CDH18: variants seen among roughly 807,000 people sequenced by gnomAD.
CDH18 encodes the protein cadherin 18.
A neutral mutation model predicts 67.9 loss-of-function variants in CDH18; 31 were observed. The observed-to-expected ratio is 0.46, with a 90% CI of 0.34 to 0.62. The LOEUF is 0.62. Ranked by LOEUF, CDH18 falls within the 20% of genes least tolerant of loss-of-function variation. CDH18 has a pLI of 0.01. For missense variants in CDH18, 890 were observed against 975.5 expected (o/e 0.91, Z 1.17); for synonymous variants, 362 against 347.2 (o/e 1.04, Z -0.48).
rs971183949 is a variant in CDH18 at position 19,644,409 on chromosome 5, T to C, written c.644-31808A>G. Reference sequence around the variant, plus strand: ...AAAAAATGAGTAAGGGATTAATATATGAAAGCAATGTGTTCAAAACCTGTT... The same window carrying C: ...AAAAAATGAGTAAGGGATTAATATACGAAAGCAATGTGTTCAAAACCTGTT... On this transcript the variant is annotated intron_variant, in intron 5 of 12. Coordinates refer to ENST00000382275, the MANE Select transcript of CDH18 (RefSeq NM_004934.5). 2.6e-4 allele frequency among the ~76,000 whole-genome samples: 40 copies of C among 152,148 alleles called. 1 individual carries two copies. The highest frequency in any genetic ancestry group is 9.2e-4 in the African/African-American group (38 of 41,464).
intron 3 of CDH18, among the ~76,000 whole-genome samples, chr5:19,827,495 A>T (rs1780530641): frequency 1.3e-5 from 2 of 152,122 alleles, no homozygotes. Context: ...AAAAAATAAA[A>T]CAACCCTAAG....
intron 1 of CDH18, among the ~76,000 whole-genome samples, chr5:20,387,961 C>T (rs1333816177): frequency 2.5e-4 from 37 of 149,718 alleles, no homozygotes; most frequent in African/African-American, 8.1e-4. Context: ...CTGCTGGATT[C>T]GGTTTGCCAG....
chr5:19,637,864 C>A (rs534130661), intron 5 of CDH18, among the ~76,000 whole-genome samples: 1 of 152,232 alleles, frequency 6.6e-6, no homozygotes, highest in African/African-American at 2.4e-5. Context: ...CACCCAAAAC[C>A]CAATGCAATG....
intron 10 of CDH18, among the ~76,000 whole-genome samples, chr5:19,508,141 T>C (rs893360798): frequency 1.3e-5 from 2 of 152,162 alleles, no homozygotes; most frequent in African/African-American, 4.8e-5. Flanking sequence ...CTGCTCTGTA[T>C]TGGCATATTC....
At chr5:20,390,268 C>T (rs547325887) in intron 1 of CDH18, among the ~76,000 whole-genome samples, 54 of 150,460 alleles carry the variant, frequency 3.6e-4, no homozygotes, top group Admixed American at 1.7e-3. Flanking sequence ...CCAGAATCCA[C>T]AGTGAACTCA....
intron 5 of CDH18, among the ~76,000 whole-genome samples, chr5:19,690,224 G>A (rs1300337507): frequency 6.6e-6 from 1 of 151,160 alleles, no homozygotes; most frequent in African/African-American, 2.4e-5. Context: ...AGAAAATTAA[G>A]AAGAATAATT....
chr5:20,501,250 T>TGG (rs1754230484), intron 1 of CDH18, among the ~76,000 whole-genome samples: 1 of 151,594 alleles, frequency 6.6e-6, no homozygotes, highest in African/African-American at 2.4e-5. Flanking sequence ...GTGGAATTAC[T>TGG]AAAAGCAAAT....
intron 2 of CDH18, among the ~76,000 whole-genome samples, chr5:19,840,817 G>C (rs1172134658): frequency 6.6e-6 from 1 of 152,070 alleles, no homozygotes; most frequent in South Asian, 2.1e-4. Context: ...TATATGTTTA[G>C]GAAGATTACA....
At chr5:20,099,928 C>T (rs1360256860) in intron 2 of CDH18, among the ~76,000 whole-genome samples, 1 of 151,944 alleles carries the variant, frequency 6.6e-6, no homozygotes, top group Non-Finnish European at 1.5e-5. Flanking sequence ...GGATTATAGC[C>T]GCACACCACC....
At chr5:20,296,869 A>G (rs1045984899) in intron 1 of CDH18, among the ~76,000 whole-genome samples, 1 of 151,954 alleles carries the variant, frequency 6.6e-6, no homozygotes, top group Non-Finnish European at 1.5e-5. Flanking sequence ...AGTGAAATAA[A>G]TGAATAAAGA....
chr5:19,811,069 A>G (rs1778592708), intron 3 of CDH18, among the ~76,000 whole-genome samples: 1 of 146,182 alleles, frequency 6.8e-6, no homozygotes, highest in Non-Finnish European at 1.5e-5. Flanking sequence ...AAGGGAAGGG[A>G]GAAAGAGAAA....
intron 2 of CDH18, among the ~76,000 whole-genome samples, chr5:20,137,865 A>G (rs1346620272): frequency 6.6e-6 from 1 of 152,112 alleles, no homozygotes; most frequent in Non-Finnish European, 1.5e-5. Context: ...ATGGATTCAC[A>G]GCCGAATTCC....
chr5:20,397,676 GTAA>G (rs1745399329), intron 1 of CDH18, among the ~76,000 whole-genome samples: 2 of 152,208 alleles, frequency 1.3e-5, no homozygotes, highest in East Asian at 3.9e-4. Context: ...ATATTTTCTA[GTAA>G]GCATGCTGTG....
At chr5:20,458,964 A>T (rs1048458079) in intron 1 of CDH18, among the ~76,000 whole-genome samples, 5 of 152,332 alleles carry the variant, frequency 3.3e-5, no homozygotes, top group Admixed American at 6.5e-5. Context: ...TCTTTACTTT[A>T]GATTTATTCT....
chr5:19,802,678 G>A (rs1777591323), intron 3 of CDH18, among the ~76,000 whole-genome samples: 1 of 152,068 alleles, frequency 6.6e-6, no homozygotes, highest in South Asian at 2.1e-4. Flanking sequence ...GAAACTTTTG[G>A]TATGAAACCT....
At chr5:19,884,333 G>A (rs531820938) in intron 2 of CDH18, among the ~76,000 whole-genome samples, 5 of 152,162 alleles carry the variant, frequency 3.3e-5, no homozygotes, top group South Asian at 4.1e-4. Flanking sequence ...TAATGGAACA[G>A]AATGAGAACA....
intron 1 of CDH18, among the ~76,000 whole-genome samples, chr5:20,358,321 A>C (rs1741799730): frequency 6.6e-6 from 1 of 152,192 alleles, no homozygotes; most frequent in South Asian, 2.1e-4. Flanking sequence ...TTGAACAAGA[A>C]AACAAAAATA....
At chr5:19,545,474 A>G (rs1580126691) in intron 8 of CDH18, among the ~76,000 whole-genome samples, 1 of 152,236 alleles carries the variant, frequency 6.6e-6, no homozygotes, top group Non-Finnish European at 1.5e-5. Context: ...GCTACTTTTT[A>G]TCATATACTG....
At chr5:19,859,892 C>T (rs1442050623) in intron 2 of CDH18, among the ~76,000 whole-genome samples, 1 of 152,008 alleles carries the variant, frequency 6.6e-6, no homozygotes, top group Non-Finnish European at 1.5e-5. Context: ...TAAACCTCTT[C>T]AAATACTTTA....
Sources: gnomAD v4.1 joint callset for allele counts (sites outside exome capture counted in the v4.1 genomes callset) on GRCh38, gnomAD v4.1.1 for gene constraint, MANE v1.5 for transcripts, NCBI Gene and HGNC (gene_info 2026-07-23, HGNC 2026-07-21) for gene names.